LEF1: variants seen among roughly 807,000 people sequenced by gnomAD.
LEF1 encodes lymphoid enhancer binding factor 1, also known as lymphoid enhancer-binding factor 1.
In LEF1, 14 loss-of-function variants were observed where a neutral mutation model predicts 51.2. The observed-to-expected ratio is 0.27, with a 90% CI of 0.18 to 0.43. The LOEUF (loss-of-function observed/expected upper bound fraction) is 0.43. Ranked by LOEUF, LEF1 falls within the 20% of genes least tolerant of loss-of-function variation. The pLI, the probability that LEF1 is intolerant of heterozygous loss-of-function variation, is 1.00. For synonymous variants in LEF1, 185 were observed against 183.2 expected (o/e 1.01, Z -0.08); for missense variants, 386 against 512.0 (o/e 0.75, Z 2.37).
Position 108,081,664 on chromosome 4 carries a change from C to T in LEF1, c.644G>A (p.Gly215Asp). Residue 215 changes from glycine (G) to aspartate (D), a missense_variant, in exon 6 of 12, where the codon GGT becomes GAT. Around this residue, in one of 2 missense-constraint regions of LEF1, gnomAD observed 335 missense variants for 390.7 expected, o/e 0.86. Transcript: ENST00000265165. Reference sequence around the variant, plus strand: ...ACCCGTGATGGGATATACAGGCTGACCTTGCCTGAGGTCACAGAAGAAAGG... The same window carrying T: ...ACCCGTGATGGGATATACAGGCTGATCTTGCCTGAGGTCACAGAAGAAAGG... ...GQITPPLGWQ[G>D]QPVYPITGGF... 6.2e-7 allele frequency: 1 copy of T among 1,613,746 alleles called. No individual in the cohort carries two copies. Among genetic ancestry groups the T allele is most frequent in the Non-Finnish European group, 8.5e-7 (1 of 1,179,748 alleles).
intron 3 of LEF1, among the ~76,000 whole-genome samples, chr4:108,158,204 A>G (rs1337258200): frequency 6.6e-6 from 1 of 152,244 alleles, no homozygotes; most frequent in Non-Finnish European, 1.5e-5. Flanking sequence ...TTTAAAAAGT[A>G]ATCATGAACC....
At chr4:108,075,498 A>G (rs1223283845) in intron 8 of LEF1, 8 of 152,234 alleles carry the variant, frequency 5.3e-5, no homozygotes, top group African/African-American at 1.7e-4. Context: ...TGCAAAAACA[A>G]ACACAGGGTC....
At chr4:108,141,925 A>T (rs1331403069) in intron 3 of LEF1, among the ~76,000 whole-genome samples, 2 of 152,182 alleles carry the variant, frequency 1.3e-5, no homozygotes, top group Admixed American at 1.3e-4. Context: ...TTTTAATTTA[A>T]AGCAGCACAA....
intron 3 of LEF1, among the ~76,000 whole-genome samples, chr4:108,092,157 C>T (rs17499632): frequency 0.075 from 11,442 of 152,182 alleles, 572 homozygotes; most frequent in Non-Finnish European, 0.11. Flanking sequence ...CTTAATTTTA[C>T]GGTTTTCAAC....
At chr4:108,064,459 A>G (rs1737914702) in intron 9 of LEF1, 75 bp from the exon 10 acceptor site, 1 of 1,121,980 alleles carries the variant, frequency 8.9e-7, no homozygotes, top group East Asian at 2.4e-5. Flanking sequence ...GTGGAAGTAC[A>G]GGCAGGTGGT....
intron 3 of LEF1, among the ~76,000 whole-genome samples, chr4:108,151,834 A>G (rs1315571204): frequency 6.6e-6 from 1 of 152,222 alleles, no homozygotes; most frequent in East Asian, 1.9e-4. Flanking sequence ...ACAAATTTAT[A>G]TATTTTTAAG....
intron 3 of LEF1, among the ~76,000 whole-genome samples, chr4:108,120,647 C>G (rs529088393): frequency 6.6e-6 from 1 of 152,330 alleles, no homozygotes; most frequent in East Asian, 1.9e-4. Flanking sequence ...CTTTGAATCT[C>G]TCATCCACAT....
intron 3 of LEF1, among the ~76,000 whole-genome samples, chr4:108,132,990 T>C (rs1406602049): frequency 2.0e-5 from 3 of 151,902 alleles, no homozygotes; most frequent in African/African-American, 7.3e-5. Context: ...TTTTCTTTTT[T>C]TGAAATGGAG....
intron 3 of LEF1, among the ~76,000 whole-genome samples, chr4:108,121,396 G>A (rs536200782): frequency 6.6e-6 from 1 of 152,154 alleles, no homozygotes; most frequent in Non-Finnish European, 1.5e-5. Flanking sequence ...GGACCCCAGA[G>A]GTACAGACAC....
intron 8 of LEF1, among the ~76,000 whole-genome samples, chr4:108,074,625 A>T (rs1479599886): frequency 1.3e-5 from 2 of 152,174 alleles, no homozygotes; most frequent in East Asian, 1.9e-4. Context: ...GATGCCAGAG[A>T]CTTTAAAGAG....
At chr4:108,108,323 T>C (rs1359058219) in intron 3 of LEF1, among the ~76,000 whole-genome samples, 3 of 152,192 alleles carry the variant, frequency 2.0e-5, no homozygotes. Flanking sequence ...TATCATCATC[T>C]TATCTGCAAT....
At chr4:108,068,416 C>T (rs1738229287) in intron 9 of LEF1, among the ~76,000 whole-genome samples, 1 of 152,272 alleles carries the variant, frequency 6.6e-6, no homozygotes, top group East Asian at 1.9e-4. Context: ...CAAGGCCTTG[C>T]ATAAATTACC....
chr4:108,105,459 G>C (rs1741104031), intron 3 of LEF1, among the ~76,000 whole-genome samples: 2 of 152,140 alleles, frequency 1.3e-5, no homozygotes, highest in South Asian at 2.1e-4. Flanking sequence ...GGGATTACAG[G>C]TGTGAGCCTC....
intron 3 of LEF1, among the ~76,000 whole-genome samples, chr4:108,136,155 G>A (rs1743249873): frequency 6.6e-6 from 1 of 152,180 alleles, no homozygotes; most frequent in Admixed American, 6.5e-5. Context: ...GAACTTAAAT[G>A]TAAAATAACT....
Position 108,167,669 on chromosome 4 carries a change from C to T in LEF1, c.99G>A (p.Gln33=). The T allele has an allele frequency of 1.9e-6, 3 of 1,614,204 alleles. No homozygotes were observed. Among genetic ancestry groups the T allele is most frequent in the Non-Finnish European group, 2.5e-6 (3 of 1,180,034 alleles). The change falls in exon 1 of 12, where the codon CAG becomes CAA. Residue 33 remains glutamine, a synonymous_variant. Transcript: ENST00000265165. This position sits in a 1 kb window ranked among gnomAD's most constrained non-coding sequence, Gnocchi z 5.7. Reference sequence around the variant, plus strand: ...TGATCTCGGCGAAGATCTTTTCCTTCTGAGGATCGCCCTCGTCCTTGAAGG... The same window carrying T: ...TGATCTCGGCGAAGATCTTTTCCTTTTGAGGATCGCCCTCGTCCTTGAAGG... The part of the protein sequence containing the change: ...MIPFKDEGDP[Q]KEKIFAEISH...
chr4:108,148,041 A>C (rs1261727413), intron 3 of LEF1, among the ~76,000 whole-genome samples: 2 of 152,246 alleles, frequency 1.3e-5, no homozygotes, highest in Admixed American at 1.3e-4. Flanking sequence ...ACAAAAAGCA[A>C]GTGCCTCACA....
At chr4:108,153,536 A>G (rs1744495880) in intron 3 of LEF1, among the ~76,000 whole-genome samples, 1 of 152,234 alleles carries the variant, frequency 6.6e-6, no homozygotes, top group Non-Finnish European at 1.5e-5. Flanking sequence ...CACTAACCAC[A>G]ACGAAAGTTG....
At chr4:108,075,312 G>A (rs1738782020) in intron 8 of LEF1, 1 of 152,194 alleles carries the variant, frequency 6.6e-6, no homozygotes, top group Non-Finnish European at 1.5e-5. Flanking sequence ...TGTTCACATG[G>A]ACTGGAAATC....
At chr4:108,133,541 C>T (rs898071017) in intron 3 of LEF1, among the ~76,000 whole-genome samples, 1 of 152,122 alleles carries the variant, frequency 6.6e-6, no homozygotes, top group African/African-American at 2.4e-5. Flanking sequence ...AGGACTAAAA[C>T]TATGTCCTTT....
Sources: gnomAD v4.1 joint callset for allele counts (sites outside exome capture counted in the v4.1 genomes callset) on GRCh38, gnomAD v4.1.1 for gene constraint, gnomAD v4.1.1 regional missense constraint, Gnocchi (gnomAD v3.1) non-coding constraint, MANE v1.5 for transcripts, NCBI Gene and HGNC (gene_info 2026-07-23, HGNC 2026-07-21) for gene names.